Variants in FOXP1 observed in about 807,000 individuals in gnomAD.
The protein encoded by FOXP1 is forkhead box protein P1.
Under a neutral mutation model 98.2 loss-of-function variants are expected in FOXP1, and 15 were observed. That is an observed-to-expected ratio of 0.15 (90% CI 0.10 to 0.24). The LOEUF (loss-of-function observed/expected upper bound fraction) is 0.24, where lower values mean the gene tolerates loss of function less well. FOXP1 is among the 10% of genes least tolerant of loss of function. The pLI is 1.00. For synonymous variants in FOXP1, 371 were observed against 314.5 expected (o/e 1.18, Z -1.90); for missense variants, 633 against 848.5 (o/e 0.75, Z 3.15).
intron 7 of FOXP1, among the ~76,000 whole-genome samples, chr3:71,067,988 A>ATT (rs1553721698): frequency 8.9e-6 from 1 of 112,496 alleles, no homozygotes; most frequent in Non-Finnish European, 1.7e-5. Context: ...CTGGATAATT[A>ATT]TAAAAAAAAA....
intron 6 of FOXP1, among the ~76,000 whole-genome samples, chr3:71,141,249 A>G (rs1490102344): frequency 1.4e-5 from 2 of 144,862 alleles, no homozygotes; most frequent in African/African-American, 5.3e-5. Context: ...GCCTGGTGAC[A>G]GAGCAAGACT....
At chr3:71,192,861 G>A (rs1388081669) in intron 6 of FOXP1, among the ~76,000 whole-genome samples, 2 of 152,084 alleles carry the variant, frequency 1.3e-5, no homozygotes, top group African/African-American at 4.8e-5. Context: ...TGCTGCCCAG[G>A]CTAGTCTCAA....
At chr3:71,272,855 C>T (rs1385578773) in intron 5 of FOXP1, among the ~76,000 whole-genome samples, 1 of 152,124 alleles carries the variant, frequency 6.6e-6, no homozygotes. Flanking sequence ...TCTTCCCGAA[C>T]TGCTAGGGGA....
chr3:71,495,027 C>T lies in FOXP1; in HGVS notation c.-297-1472G>A, dbSNP rs1226408064. Among the ~76,000 whole-genome samples the T allele has an allele frequency of 2.0e-5, 3 of 152,324 alleles. No homozygotes were observed. In the East Asian group the frequency reaches 5.8e-4, roughly 29 times the overall value. ...TGAATTTCTTTCCATGGCCTGAGGG[C>T]CCTACATAATCTGGCCACTTTCTAC... On this transcript the variant is annotated intron_variant, in intron 2 of 20. Transcript: ENST00000649528.
intron 2 of FOXP1, among the ~76,000 whole-genome samples, chr3:71,529,172 A>C (rs980681883): frequency 6.6e-5 from 10 of 152,226 alleles, no homozygotes; most frequent in African/African-American, 2.4e-4. Flanking sequence ...CTAATGATTT[A>C]GTTTTCCTGC....
intron 3 of FOXP1, among the ~76,000 whole-genome samples, chr3:71,444,460 G>A (rs749267033): frequency 2.6e-5 from 4 of 151,366 alleles, no homozygotes; most frequent in Non-Finnish European, 4.4e-5. Context: ...GCATCACCAC[G>A]ACTCACTGTA....
chr3:71,111,839 C>G (rs2057956973), intron 7 of FOXP1, among the ~76,000 whole-genome samples: 1 of 152,046 alleles, frequency 6.6e-6, no homozygotes, highest in African/African-American at 2.4e-5. Flanking sequence ...AATTATTGAC[C>G]TAGAAACATT....
chr3:71,519,613 T>C (rs2042833120), intron 2 of FOXP1, among the ~76,000 whole-genome samples: 1 of 152,186 alleles, frequency 6.6e-6, no homozygotes, highest in Admixed American at 6.5e-5. Context: ...ATCTTTATAT[T>C]TACCTAAGTT....
chr3:71,458,122 T>A (rs2087676503), intron 3 of FOXP1, among the ~76,000 whole-genome samples: 1 of 152,226 alleles, frequency 6.6e-6, no homozygotes, highest in African/African-American at 2.4e-5. Flanking sequence ...GCTATTACAA[T>A]GCTATCTCAT....
intron 13 of FOXP1, among the ~76,000 whole-genome samples, chr3:70,988,332 T>C (rs1351557452): frequency 4.6e-5 from 7 of 152,224 alleles, no homozygotes; most frequent in African/African-American, 1.2e-4. Context: ...CGCAGTCCCA[T>C]GGAACACAGA....
chr3:71,138,094 AC>A, intron 6 of FOXP1, among the ~76,000 whole-genome samples: 1 of 152,294 alleles, frequency 6.6e-6, no homozygotes, highest in South Asian at 2.1e-4. Context: ...GTTTGAGCAG[AC>A]ACCACAAGGA....
At chr3:71,261,932 TC>T (rs1006483506) in intron 5 of FOXP1, among the ~76,000 whole-genome samples, 1 of 152,162 alleles carries the variant, frequency 6.6e-6, no homozygotes, top group African/African-American at 2.4e-5. Context: ...TTATTAAGTA[TC>T]ATTTATTAAT....
In FOXP1 at chr3:71,467,942, T is replaced by G. The variant is rs75376304; in HGVS notation, c.-168+25484A>C. On this transcript the variant is annotated intron_variant, in intron 3 of 20. Coordinates refer to ENST00000649528, the MANE Select transcript of FOXP1 (RefSeq NM_001349338.3). ...CTACAAGGTTCCACAGATTCCAATA[T>G]GTTACAAGTCTATTCATGATCTACC... is the stretch of plus-strand genomic sequence containing the variant. Among the ~76,000 whole-genome samples the G allele has an allele frequency of 4.6e-5, 7 of 152,296 alleles. No individual in the cohort carries two copies. In the East Asian group the frequency reaches 1.4e-3, roughly 29 times the overall value.
chr3:71,532,156 G>C (rs1037816790), intron 2 of FOXP1, among the ~76,000 whole-genome samples: 1 of 152,162 alleles, frequency 6.6e-6, no homozygotes, highest in African/African-American at 2.4e-5. Context: ...CTGGTGTGCA[G>C]TGGCGTGATC....
intron 12 of FOXP1, among the ~76,000 whole-genome samples, chr3:71,009,547 C>T (rs1198780282): frequency 3.3e-5 from 5 of 152,108 alleles, no homozygotes; most frequent in Non-Finnish European, 5.9e-5. Context: ...CATTCTATTA[C>T]AGAACAATTT....
At chr3:71,333,434 G>GA (rs1331389160) in intron 4 of FOXP1, 1 of 152,124 alleles carries the variant, frequency 6.6e-6, no homozygotes, top group Non-Finnish European at 1.5e-5. Flanking sequence ...TACACAAAAT[G>GA]AAAGCATTTA....
chr3:71,059,655 T>C (rs1288587823), intron 7 of FOXP1, among the ~76,000 whole-genome samples: 1 of 152,104 alleles, frequency 6.6e-6, no homozygotes, highest in East Asian at 1.9e-4. Flanking sequence ...CTTTCTCCTG[T>C]AGCTGGGATG....
intron 3 of FOXP1, among the ~76,000 whole-genome samples, chr3:71,464,558 T>G (rs763662143): frequency 5.9e-5 from 9 of 152,054 alleles, no homozygotes; most frequent in Non-Finnish European, 8.8e-5. Flanking sequence ...CTCCTGGGAG[T>G]TGGGAAGTCA....
At chr3:71,241,207 C>G (rs1347593543) in intron 5 of FOXP1, among the ~76,000 whole-genome samples, 2 of 150,460 alleles carry the variant, frequency 1.3e-5, no homozygotes, top group East Asian at 2.0e-4. Context: ...GAGATTCCAT[C>G]TCAAAAAAAC....
Sources: allele counts gnomAD v4.1 joint callset (sites outside exome capture counted in the v4.1 genomes callset), GRCh38; gene constraint gnomAD v4.1.1; transcripts MANE v1.5; gene names NCBI Gene and HGNC (gene_info 2026-07-23, HGNC 2026-07-21).